Variants in RBM45 observed in about 807,000 individuals in gnomAD.
The protein encoded by RBM45 is RNA binding motif protein 45, also known as RNA-binding protein 45.
In RBM45, 39 loss-of-function variants were observed where a neutral mutation model predicts 58.5. The observed-to-expected ratio is 0.67, with a 90% CI of 0.52 to 0.87. RBM45 has a LOEUF of 0.87. Among genes scored for constraint, RBM45 ranks in the 40% least tolerant of loss-of-function variants. The pLI, the probability that RBM45 is intolerant of heterozygous loss-of-function variation, is 0.00. For missense variants in RBM45, 481 were observed against 581.6 expected, an observed-to-expected ratio of 0.83 and a Z score of 1.78; for synonymous variants, 193 against 203.0, an observed-to-expected ratio of 0.95 and a Z score of 0.42.
chr2:178,131,782 C>T (rs1282397270), downstream of RBM45, among the ~76,000 whole-genome samples: 1 of 152,204 alleles, frequency 6.6e-6, no homozygotes, highest in Non-Finnish European at 1.5e-5. Flanking sequence ...TCTTAATCCT[C>T]TCAGTTATTT....
chr2:178,137,108 ATAGT>A (rs992419137), exon 4 of RBM45: 6 of 152,198 alleles, frequency 3.9e-5, no homozygotes, highest in East Asian at 3.8e-4. Flanking sequence ...TTTTAATTTG[ATAGT>A]TAATATAAGC....
chr2:178,120,173 A>G (rs959200828), intron 3 of RBM45, 114 bp from the exon 4 acceptor site: 1 of 1,363,194 alleles, frequency 7.3e-7, no homozygotes, highest in East Asian at 2.4e-5. Context: ...GCCATTGTAT[A>G]GATTTTGCTT....
downstream of RBM45, among the ~76,000 whole-genome samples, chr2:178,134,506 A>AGCT (rs1023067285): frequency 1.3e-5 from 2 of 152,130 alleles, no homozygotes; most frequent in African/African-American, 4.8e-5. Flanking sequence ...TAGCATTAAC[A>AGCT]AGACATAGGT....
chr2:178,119,056 A>G (rs2087815353), intron 3 of RBM45, among the ~76,000 whole-genome samples: 1 of 152,202 alleles, frequency 6.6e-6, no homozygotes, highest in Non-Finnish European at 1.5e-5. Flanking sequence ...AATAGGCAAA[A>G]AATAAAGAAT....
At chr2:178,119,313 G>T (rs1448499709) in intron 3 of RBM45, among the ~76,000 whole-genome samples, 1 of 152,216 alleles carries the variant, frequency 6.6e-6, no homozygotes, top group Non-Finnish European at 1.5e-5. Context: ...CATGCCGAGG[G>T]GGTAGGACTT....
chr2:178,127,983 G>A (rs1372806721), intron 9 of RBM45, among the ~76,000 whole-genome samples: 1 of 143,076 alleles, frequency 7.0e-6, no homozygotes, highest in Non-Finnish European at 1.5e-5. Context: ...GACTGGGCTG[G>A]TCTCTACGCC....
chr2:178,138,866 G>T (rs1269311810), exon 4 of RBM45: 6 of 151,844 alleles, frequency 4.0e-5, no homozygotes, highest in Non-Finnish European at 5.9e-5. Flanking sequence ...ATTTTTTGGG[G>T]GGGATGGAGG....
chr2:178,119,028 A>G (rs2087815057), intron 3 of RBM45, among the ~76,000 whole-genome samples: 1 of 152,152 alleles, frequency 6.6e-6, no homozygotes, highest in Non-Finnish European at 1.5e-5. Flanking sequence ...TTATAGCTGT[A>G]TTGGGTAGCC....
chr2:178,135,184 G>A (rs768175304), intron 3 of RBM45, among the ~76,000 whole-genome samples: 2 of 152,190 alleles, frequency 1.3e-5, no homozygotes, highest in African/African-American at 2.4e-5. Flanking sequence ...AGAGGATAGA[G>A]AAGAAGATTT....
At chr2:178,131,203 C>G (rs932627003), downstream of RBM45, among the ~76,000 whole-genome samples, 8 of 152,212 alleles carry the variant, frequency 5.3e-5, no homozygotes, top group African/African-American at 1.7e-4. Flanking sequence ...TTACTGTACA[C>G]ATAGTTCAGT....
At chr2:178,122,847 T>A (rs2087873438) in intron 5 of RBM45, among the ~76,000 whole-genome samples, 1 of 152,186 alleles carries the variant, frequency 6.6e-6, no homozygotes, top group African/African-American at 2.4e-5. Context: ...TATAAGTGTT[T>A]CCCCAGTGGT....
chr2:178,133,687 C>T (rs1447026947), downstream of RBM45, among the ~76,000 whole-genome samples: 1 of 152,124 alleles, frequency 6.6e-6, no homozygotes, highest in Non-Finnish European at 1.5e-5. Context: ...TAGAGGTATG[C>T]CACACACAGG....
intron 1 of RBM45, 59 bp from the exon 2 acceptor site, chr2:178,116,203 T>A: frequency 6.6e-7 from 1 of 1,509,068 alleles, no homozygotes; most frequent in Non-Finnish European, 8.8e-7. Flanking sequence ...TTGAAAAAAT[T>A]TAAGAAATGG....
chr2:178,122,058 A>C (rs2087860045), intron 5 of RBM45, among the ~76,000 whole-genome samples: 1 of 152,184 alleles, frequency 6.6e-6, no homozygotes, highest in African/African-American at 2.4e-5. Flanking sequence ...CAGCAGTGAC[A>C]TGTAGCTTTG....
intron 9 of RBM45, 57 bp from the exon 10 acceptor site, chr2:178,129,340 C>G (rs1247359026): frequency 6.6e-6 from 1 of 152,492 alleles, no homozygotes; most frequent in Non-Finnish European, 1.5e-5. Context: ...ACTACAACAG[C>G]TATTTCCTTT....
intron 5 of RBM45, among the ~76,000 whole-genome samples, chr2:178,122,238 T>C (rs2105904995): frequency 6.6e-6 from 1 of 152,272 alleles, no homozygotes; most frequent in African/African-American, 2.4e-5. Context: ...CTAAGGGGTT[T>C]TTTTTTCTTT....
rs201379634 is a variant in RBM45 at position 178,124,178 on chromosome 2, G to C, written c.1120G>C (p.Val374Leu). The stretch of plus-strand genomic sequence containing the variant: ...GTTGCCTCAAATCCAGACAGATGTT[G>C]TACTTCCATCATGCAAAAAAAAAGC... ...SQLPQIQTDV[V>L]LPSCKKKAPA... The change falls in exon 8 of 10, where the codon GTA becomes CTA. Residue 374 changes from valine to leucine, a missense_variant. Transcript: ENST00000286070. 4 of 1,610,326 alleles carry C rather than the reference G, an allele frequency of 2.5e-6. No homozygotes were observed. The highest frequency in any genetic ancestry group is 3.4e-6 in the Non-Finnish European group (4 of 1,178,924).
chr2:178,116,159 G>A (rs2087773727), intron 1 of RBM45, 103 bp from the exon 2 acceptor site: 8 of 1,383,010 alleles, frequency 5.8e-6, no homozygotes, highest in Admixed American at 2.6e-5. Context: ...CTGTCTCAAA[G>A]ATTAAAAAAA....
chr2:178,116,418 C>G lies in RBM45; in HGVS notation c.423+34C>G, dbSNP rs2087778170. 3.8e-6 allele frequency: 6 copies of G among 1,582,046 alleles called. No individual in the cohort carries two copies. The East Asian group carries it at 1.4e-4, about 36-fold the overall frequency. ...TCTAATCAGCTAGCATATGTGATAA[C>G]TCATAGTCCTGCATAGGTTGTATGG... On this transcript the variant is annotated intron_variant, in intron 2 of 9. Transcript: ENST00000286070.
Sources: allele counts gnomAD v4.1 joint callset (sites outside exome capture counted in the v4.1 genomes callset), GRCh38; gene constraint gnomAD v4.1.1; transcripts MANE v1.5; gene names NCBI Gene and HGNC (gene_info 2026-07-23, HGNC 2026-07-21).